Variants in GRIK1 observed in about 807,000 individuals in gnomAD.
GRIK1 encodes the protein glutamate ionotropic receptor kainate type subunit 1.
A neutral mutation model predicts 105.7 loss-of-function variants in GRIK1; 69 were observed. The ratio of observed to expected loss-of-function variants is 0.65; its 90% CI spans 0.54 to 0.80. The LOEUF is 0.80. GRIK1 is among the 30% of genes least tolerant of loss of function. GRIK1 has a pLI of 0.00. For missense variants in GRIK1, 1,109 were observed against 1,167.3 expected, an observed-to-expected ratio of 0.95 and a Z score of 0.73; for synonymous variants, 438 against 431.3, an observed-to-expected ratio of 1.02 and a Z score of -0.19.
intron 14 of GRIK1, among the ~76,000 whole-genome samples, chr21:29,564,078 A>T (rs1298291237): frequency 6.6e-6 from 1 of 152,232 alleles, no homozygotes. Flanking sequence ...TTACATATTA[A>T]TATGAAATAG....
intron 9 of GRIK1, 132 bp downstream of exon 9, chr21:29,596,392 CTT>C (rs749501922): frequency 2.6e-6 from 2 of 776,322 alleles, no homozygotes; most frequent in South Asian, 1.4e-5. Flanking sequence ...ACTCCTCTCT[CTT>C]TACATGGAAC....
At chr21:29,684,258 CTAT>C (rs1568971969) in intron 3 of GRIK1, among the ~76,000 whole-genome samples, 1 of 107,974 alleles carries the variant, frequency 9.3e-6, no homozygotes, top group Non-Finnish European at 2.2e-5. Flanking sequence ...TCATCTCTAT[CTAT>C]CTATCTATCT....
intron 1 of GRIK1, chr21:29,861,812 C>A: frequency 3.7e-6 from 1 of 270,810 alleles, no homozygotes; most frequent in Non-Finnish European, 7.3e-6. Context: ...AGAATAAGTC[C>A]ATTTAATTAT....
intron 6 of GRIK1, among the ~76,000 whole-genome samples, chr21:29,644,681 A>G (rs1237527037): frequency 3.9e-5 from 6 of 152,186 alleles, no homozygotes; most frequent in Non-Finnish European, 5.9e-5. Flanking sequence ...TCTGTAATCA[A>G]TTTCATTGCC....
intron 1 of GRIK1, among the ~76,000 whole-genome samples, chr21:29,696,396 A>T (rs1046505297): frequency 1.3e-5 from 2 of 152,210 alleles, no homozygotes; most frequent in African/African-American, 4.8e-5. Context: ...GTAAGGAAAA[A>T]TGTTGCTGTT....
At chr21:29,567,660 C>G (rs1277077557) in intron 14 of GRIK1, among the ~76,000 whole-genome samples, 1 of 152,084 alleles carries the variant, frequency 6.6e-6, no homozygotes, top group Non-Finnish European at 1.5e-5. Context: ...TTAGGCAAAT[C>G]CTGATTTAAG....
rs757864943 is a variant in GRIK1, at chr21:29,642,987, C to T, written c.955-18G>A. 1.9e-6 allele frequency: 3 copies of T among 1,608,306 alleles called. No homozygotes were observed. Among genetic ancestry groups the T allele is most frequent in the Middle Eastern group, 1.7e-4 (1 of 6,026 alleles). On this transcript the variant is annotated intron_variant, in intron 6 of 17. Coordinates refer to ENST00000327783, the MANE Select transcript of GRIK1 (RefSeq NM_001330994.2). ...GCTTCAGTCTGTGGAGGAAAACACA[C>T]ACCGCATCTTAAATTCCACTTTTGC...
rs999258035 is a variant in GRIK1 at position 29,789,939 on chromosome 21, A to G, written c.119-95876T>C. On this transcript the variant is annotated intron_variant, in intron 1 of 17. Transcript: ENST00000327783. ...TGATCATGCCCATAAGCTGTATTCAATGCTCACAAATCAAATCTTTGTGAA... is the reference window on the plus strand; with the variant it reads ...TGATCATGCCCATAAGCTGTATTCAGTGCTCACAAATCAAATCTTTGTGAA... Among the ~76,000 whole-genome samples, 52 of 152,360 alleles carry G rather than the reference A, an allele frequency of 3.4e-4. 1 individual carries two copies. Among genetic ancestry groups the G allele is most frequent in the African/African-American group, 1.1e-3 (44 of 41,578 alleles).
At chr21:29,821,230 A>G (rs2067298390) in intron 1 of GRIK1, among the ~76,000 whole-genome samples, 1 of 152,032 alleles carries the variant, frequency 6.6e-6, no homozygotes, top group Non-Finnish European at 1.5e-5. Context: ...AAAAAATGTG[A>G]AGAAAACCAT....
rs374777692 is a variant in GRIK1, at chr21:29,596,562, G to T, written c.1215C>A (p.Gly405=). The part of the protein sequence containing the change: ...LKEEGTEKAA[G]EVSKHLYKVW... ...CTTTATACAAGTGTTTAGACACTTC[G>T]CCAGCAGCCTTGGTTTTCAGAGAGA... The change falls in exon 9 of 18, where the codon GGC becomes GGA. Residue 405 remains glycine, a synonymous_variant. Transcript: ENST00000327783. 25 of 1,607,622 alleles carry T rather than the reference G, an allele frequency of 1.6e-5. No homozygotes were observed. Among genetic ancestry groups the T allele is most frequent in the Non-Finnish European group, 2.0e-5 (24 of 1,174,282 alleles).
At chr21:29,744,757 T>C (rs2065009611) in intron 1 of GRIK1, among the ~76,000 whole-genome samples, 1 of 152,186 alleles carries the variant, frequency 6.6e-6, no homozygotes, top group South Asian at 2.1e-4. Context: ...ATAGGACATT[T>C]TGTGGTGTGT....
At chr21:29,906,633 GC>G (rs2070650459) in intron 1 of GRIK1, among the ~76,000 whole-genome samples, 1 of 151,810 alleles carries the variant, frequency 6.6e-6, no homozygotes. Flanking sequence ...ATAGTTGAAG[GC>G]AACAAACAGA....
intron 1 of GRIK1, among the ~76,000 whole-genome samples, chr21:29,796,975 G>GAA (rs11349620): frequency 1.4e-5 from 2 of 147,770 alleles, no homozygotes; most frequent in African/African-American, 5.0e-5. Context: ...ACAAACAACA[G>GAA]AAAAAAAAAA....
chr21:29,791,400 C>A (rs1406776576), intron 1 of GRIK1, among the ~76,000 whole-genome samples: 1 of 152,060 alleles, frequency 6.6e-6, no homozygotes, highest in Non-Finnish European at 1.5e-5. Context: ...GGAGTCGTTC[C>A]TGTGGTTTAG....
At chr21:29,750,064 T>G (rs984026461) in intron 1 of GRIK1, among the ~76,000 whole-genome samples, 1 of 152,158 alleles carries the variant, frequency 6.6e-6, no homozygotes, top group African/African-American at 2.4e-5. Flanking sequence ...ACCAACAAAC[T>G]ATTTTTTTAA....
chr21:29,752,939 G>T (rs1257763193), intron 1 of GRIK1, among the ~76,000 whole-genome samples: 1 of 152,248 alleles, frequency 6.6e-6, no homozygotes, highest in Non-Finnish European at 1.5e-5. Context: ...GGAGGACTCT[G>T]CTTAGAAATG....
chr21:29,868,346 C>T (rs912223530), intron 1 of GRIK1, among the ~76,000 whole-genome samples: 3 of 152,128 alleles, frequency 2.0e-5, no homozygotes, highest in Non-Finnish European at 2.9e-5. Context: ...AGTTTTTATG[C>T]ACTTACCTTA....
intron 1 of GRIK1, among the ~76,000 whole-genome samples, chr21:29,726,592 A>G (rs1262494524): frequency 6.6e-6 from 1 of 152,138 alleles, no homozygotes; most frequent in Non-Finnish European, 1.5e-5. Context: ...AACATTGTTA[A>G]GCTCTCTATA....
chr21:29,929,678 G>A (rs1468546986), intron 1 of GRIK1, among the ~76,000 whole-genome samples: 2 of 152,200 alleles, frequency 1.3e-5, no homozygotes, highest in African/African-American at 4.8e-5. Flanking sequence ...AAATGCTGGC[G>A]AGGATGTGGT....
Sources: allele counts gnomAD v4.1 joint callset (sites outside exome capture counted in the v4.1 genomes callset), GRCh38; gene constraint gnomAD v4.1.1; transcripts MANE v1.5; gene names NCBI Gene and HGNC (gene_info 2026-07-23, HGNC 2026-07-21).